LRRC28: variants seen among roughly 807,000 people sequenced by gnomAD.
The protein encoded by LRRC28 is leucine rich repeat containing 28.
LRRC28 carries 39 observed loss-of-function variants against 45.7 expected under a neutral mutation model. The ratio of observed to expected loss-of-function variants is 0.85; its 90% CI spans 0.66 to 1.12. LRRC28 has a LOEUF of 1.12. Among genes scored for constraint, LRRC28 ranks in the 50% most tolerant of loss-of-function variants. The pLI is 0.00. For synonymous variants in LRRC28, 206 were observed against 178.8 expected (o/e 1.15, Z -1.22); for missense variants, 435 against 438.5 (o/e 0.99, Z 0.07).
rs1171257606 is a variant in LRRC28 at position 99,388,021 on chromosome 15, A to T, written c.*1919A>T. 1 of 152,224 alleles carries T rather than the reference A, an allele frequency of 6.6e-6. No individual in the cohort carries two copies. The highest frequency in any genetic ancestry group is 1.5e-5 in the Non-Finnish European group (1 of 68,030). The allele number at this position is 152,224 out of a possible 1,614,324, so 9.4% of individuals were successfully genotyped here. ...CTTACTTCCTCTTGTCCCTTTTCAT[A>T]TCTTGGTCTATTCAGCCTTAACATT... On this transcript the variant is annotated 3_prime_UTR_variant, in exon 10 of 10. Transcript: ENST00000301981.
rs2081995569 is a variant in LRRC28, at chr15:99,287,726, A to G, written c.248-88A>G. On this transcript the variant is annotated intron_variant, in intron 4 of 9. Coordinates refer to ENST00000301981, the MANE Select transcript of LRRC28 (RefSeq NM_144598.5). ...AACTGAGACAAGGAAATTAAGTAGT[A>G]AAATATTTTAACTTGGAATACTTGC... 18 of 1,407,152 alleles carry G rather than the reference A, an allele frequency of 1.3e-5. No homozygotes were observed. The South Asian group carries it at 2.8e-4, about 22-fold the overall frequency. The allele number at this position is 1,407,152 out of a possible 1,614,324, so 87.2% of individuals were successfully genotyped here. A position where few individuals can be genotyped will look rare whatever the true frequency, so the allele number is the denominator to read the frequency against.
chr15:99,307,764 C>T (rs2048304), intron 5 of LRRC28, among the ~76,000 whole-genome samples: 5 of 152,052 alleles, frequency 3.3e-5, no homozygotes, highest in African/African-American at 4.8e-5. Context: ...AGTTTTAAAG[C>T]GAAACTAAAG....
chr15:99,262,401 A>C, intron 2 of LRRC28, among the ~76,000 whole-genome samples: 1 of 151,958 alleles, frequency 6.6e-6, no homozygotes, highest in Non-Finnish European at 1.5e-5. Flanking sequence ...GGCCAACATG[A>C]TGAAACCCCA....
Position 99,253,071 on chromosome 15 carries a change from C to G in LRRC28, c.-61+1530C>G, listed in dbSNP as rs1213255454. Among the ~76,000 whole-genome samples, 4 of 151,814 alleles carry G rather than the reference C, an allele frequency of 2.6e-5. 1 individual carries two copies. The highest frequency in any genetic ancestry group is 4.8e-5 in the African/African-American group (2 of 41,330). On this transcript the variant is annotated intron_variant, in intron 1 of 9. Transcript: ENST00000301981. ...AGGAGTCCTACGAAGAAAAAACAAA[C>G]AGCCAAGTTCCTCTGAAAGAACACC... is the stretch of plus-strand genomic sequence containing the variant.
At chr15:99,304,621 ATTT>A (rs1955113131) in intron 5 of LRRC28, among the ~76,000 whole-genome samples, 1 of 151,432 alleles carries the variant, frequency 6.6e-6, no homozygotes, top group Admixed American at 6.6e-5. Context: ...TTATTTTTGT[ATTT>A]TTAGTAGAGA....
At chr15:99,332,147 A>G (rs1446464353) in intron 5 of LRRC28, 1 of 152,048 alleles carries the variant, frequency 6.6e-6, no homozygotes, top group African/African-American at 2.4e-5. Context: ...ATTCTTCCTC[A>G]TATTTTATCC....
At chr15:99,350,553 G>A (rs1008201444) in intron 6 of LRRC28, among the ~76,000 whole-genome samples, 2 of 152,260 alleles carry the variant, frequency 1.3e-5, no homozygotes, top group South Asian at 2.1e-4. Flanking sequence ...TTTCCACATC[G>A]GTTATGCTGT....
intron 2 of LRRC28, among the ~76,000 whole-genome samples, chr15:99,273,480 G>T (rs976020837): frequency 1.3e-5 from 2 of 152,092 alleles, no homozygotes; most frequent in African/African-American, 4.8e-5. Flanking sequence ...CTCGTGATCT[G>T]CCCGCCTCGG....
rs192480117 is a variant in LRRC28, at chr15:99,319,764, T to G, written c.386-14159T>G. On this transcript the variant is annotated intron_variant, in intron 5 of 9. Coordinates refer to ENST00000301981, the MANE Select transcript of LRRC28 (RefSeq NM_144598.5). Reference sequence around the variant, plus strand: ...AATATTTAAATCAAATTCATTTTTCTTACGTTTCTCAGATGTCATATGTTT... The same window carrying G: ...AATATTTAAATCAAATTCATTTTTCGTACGTTTCTCAGATGTCATATGTTT... Among the ~76,000 whole-genome samples the G allele has an allele frequency of 3.1e-3, 475 of 152,190 alleles. 4 individuals are homozygous for G. The highest frequency in any genetic ancestry group is 0.011 in the African/African-American group (457 of 41,568).
chr15:99,342,442 T>G (rs553829857), intron 6 of LRRC28, among the ~76,000 whole-genome samples: 1 of 152,342 alleles, frequency 6.6e-6, no homozygotes, highest in South Asian at 2.1e-4. Flanking sequence ...AATCTTGGAC[T>G]TCGGAAGGTT....
At chr15:99,383,718 A>T (rs28572685) in intron 9 of LRRC28, among the ~76,000 whole-genome samples, 3,295 of 152,240 alleles carry the variant, frequency 0.022, 110 homozygotes, top group African/African-American at 0.075. Flanking sequence ...TTGCAAATAC[A>T]TTTAGGCTTA....
At chr15:99,353,282 A>G (rs1258497287) in intron 7 of LRRC28, among the ~76,000 whole-genome samples, 1 of 152,178 alleles carries the variant, frequency 6.6e-6, no homozygotes, top group South Asian at 2.1e-4. Context: ...TCTAGTCCCC[A>G]TCATCCTGCA....
rs117980635 is a variant in LRRC28, at chr15:99,344,630, T to A, written c.593-7739T>A. The stretch of plus-strand genomic sequence containing the variant: ...GGAATATTGAAAAGCTAAGACAAGA[T>A]CTGAACCTAATAGCATTTTTAAATT... On this transcript the variant is annotated intron_variant, in intron 6 of 9. Coordinates refer to ENST00000301981, the MANE Select transcript of LRRC28 (RefSeq NM_144598.5). Among the ~76,000 whole-genome samples the A allele has an allele frequency of 2.6e-4, 40 of 152,314 alleles. No homozygotes were observed. In the East Asian group the frequency reaches 6.4e-3, roughly 24 times the overall value.
At chr15:99,266,966 G>C (rs1243122185) in intron 2 of LRRC28, among the ~76,000 whole-genome samples, 1 of 152,184 alleles carries the variant, frequency 6.6e-6, no homozygotes, top group Non-Finnish European at 1.5e-5. Context: ...GGTAGGGGTG[G>C]AGGCTGAAAG....
intron 7 of LRRC28, 79 bp downstream of exon 7, chr15:99,352,550 T>A: frequency 8.7e-7 from 1 of 1,152,966 alleles, no homozygotes; most frequent in Non-Finnish European, 1.3e-6. Flanking sequence ...TCTTTGCCCT[T>A]GATGATATGC....
At chr15:99,345,352 G>A (rs1205434433) in intron 6 of LRRC28, among the ~76,000 whole-genome samples, 2 of 152,076 alleles carry the variant, frequency 1.3e-5, no homozygotes, top group African/African-American at 4.8e-5. Flanking sequence ...TTTTATCAAC[G>A]CAGTTTTATT....
At chr15:99,307,671 G>A (rs1023039528) in intron 5 of LRRC28, among the ~76,000 whole-genome samples, 1 of 152,048 alleles carries the variant, frequency 6.6e-6, no homozygotes, top group African/African-American at 2.4e-5. Context: ...TATCCTCTTA[G>A]AGTCCACACT....
At chr15:99,350,352 T>C (rs966199994) in intron 6 of LRRC28, among the ~76,000 whole-genome samples, 2 of 152,122 alleles carry the variant, frequency 1.3e-5, no homozygotes, top group Non-Finnish European at 2.9e-5. Flanking sequence ...ATGATTGTAG[T>C]AAGACCAGCA....
At chr15:99,267,519 T>G (rs1049404763) in intron 2 of LRRC28, among the ~76,000 whole-genome samples, 1 of 152,224 alleles carries the variant, frequency 6.6e-6, no homozygotes, top group African/African-American at 2.4e-5. Flanking sequence ...GTGCAGGGCC[T>G]CCATAATCGC....
Sources: allele counts gnomAD v4.1 joint callset (sites outside exome capture counted in the v4.1 genomes callset), GRCh38; gene constraint gnomAD v4.1.1; transcripts MANE v1.5; gene names NCBI Gene and HGNC (gene_info 2026-07-23, HGNC 2026-07-21).